ADGRL1: variants seen among roughly 807,000 people sequenced by gnomAD.
ADGRL1 encodes CIRL-1.
In ADGRL1, 31 loss-of-function variants were observed where a neutral mutation model predicts 148.9. The ratio of observed to expected loss-of-function variants is 0.21; its 90% CI spans 0.16 to 0.28. ADGRL1 has a LOEUF of 0.28. ADGRL1 is among the 10% of genes least tolerant of loss of function. The probability of loss-of-function intolerance (pLI) is 1.00; values close to 1 mark genes in which losing one functional copy is unlikely to be tolerated. For missense variants in ADGRL1, 1,521 were observed against 2,058.8 expected (o/e 0.74, Z 5.05); for synonymous variants, 937 against 900.3 (o/e 1.04, Z -0.73).
intron 4 of ADGRL1, chr19:14,170,200 A>G: frequency 6.4e-6 from 1 of 155,380 alleles, no homozygotes; most frequent in Admixed American, 6.4e-5. Flanking sequence ...AACGGTGTTG[A>G]GAGGGGCAGT....
rs750108946 is a variant in ADGRL1 at position 14,161,359 on chromosome 19, G to A, written c.1463C>T (p.Thr488Ile). The change falls in exon 6 of 23, where the codon ACC becomes ATC. Residue 488 changes from threonine (T) to isoleucine (I), a missense_variant. By Grantham distance (89) the Thr-to-Ile change is moderately conservative. Transcript: ENST00000361434. The surrounding 1 kb of genome is among the most constrained non-coding windows in gnomAD (Gnocchi z 4.4). ...REVRRVQWPA[T>I]QQGMLVERPC... is the part of the protein sequence containing the mutation. ...CCTCTCCACCAGCATGCCCTGCTGG[G>A]TGGCCGGCCACTGGACCCGCCGTAC... The A allele has an allele frequency of 5.0e-6, 8 of 1,587,038 alleles. No individual in the cohort carries two copies. Among genetic ancestry groups the A allele is most frequent in the African/African-American group, 1.4e-5 (1 of 74,042 alleles).
chr19:14,180,498 C>T (rs964420207), intron 2 of ADGRL1, among the ~76,000 whole-genome samples: 3 of 151,894 alleles, frequency 2.0e-5, no homozygotes, highest in African/African-American at 4.8e-5. Flanking sequence ...TCAGGTGATC[C>T]GCCCGCCTGA....
rs566920498 is a variant in ADGRL1 at position 14,199,241 on chromosome 19, G to A, written c.-96+6744C>T. Among the ~76,000 whole-genome samples, 7 of 152,324 alleles carry A rather than the reference G, an allele frequency of 4.6e-5. No individual in the cohort carries two copies. The East Asian group carries it at 9.6e-4, about 21-fold the overall frequency. Reference sequence around the variant, plus strand: ...GGAGCTGGGGAACGAGAGCCTCCCAGGGTGGCTGTGGGGGTTAGAAATAAT... The same window carrying A: ...GGAGCTGGGGAACGAGAGCCTCCCAAGGTGGCTGTGGGGGTTAGAAATAAT... On this transcript the variant is annotated intron_variant, in intron 1 of 22. Transcript: ENST00000361434.
intron 3 of ADGRL1, among the ~76,000 whole-genome samples, chr19:14,175,493 C>T (rs1016178826): frequency 1.3e-5 from 2 of 151,622 alleles, no homozygotes; most frequent in African/African-American, 2.4e-5. Context: ...CACCCGCTCA[C>T]GTACACTTAA....
In ADGRL1 at chr19:14,150,692, C is replaced by G; in HGVS notation, c.*181G>C. The G allele has an allele frequency of 3.0e-6, 2 of 668,230 alleles. No homozygotes were observed. The highest frequency in any genetic ancestry group is 4.9e-6 in the Non-Finnish European group (2 of 410,402). 41.4% of individuals were successfully genotyped at this position (668,230 alleles called of 1,614,324 possible). On this transcript the variant is annotated 3_prime_UTR_variant, in exon 23 of 23. Coordinates refer to ENST00000361434, the MANE Select transcript of ADGRL1 (RefSeq NM_014921.5). ...CTGGTGGGAAACCCTGTCTGTGAAC[C>G]CTGGCACCTCAGGCCCCCAGGTTAG...
chr19:14,202,577 C>T (rs1251429356), intron 1 of ADGRL1, among the ~76,000 whole-genome samples: 1 of 152,116 alleles, frequency 6.6e-6, no homozygotes, highest in Non-Finnish European at 1.5e-5. Context: ...GATGGAAACC[C>T]CATATGTGTT....
chr19:14,185,252 A>G (rs370171461), intron 1 of ADGRL1, among the ~76,000 whole-genome samples: 2 of 152,236 alleles, frequency 1.3e-5, no homozygotes, highest in South Asian at 2.1e-4. Flanking sequence ...GCACACTGGC[A>G]TCAGCCTTGC....
chr19:14,193,865 G>T (rs188713046), intron 1 of ADGRL1, among the ~76,000 whole-genome samples: 1 of 152,218 alleles, frequency 6.6e-6, no homozygotes, highest in Non-Finnish European at 1.5e-5. Context: ...GGCCTGCAAC[G>T]GATTCTGCCT....
intron 4 of ADGRL1, among the ~76,000 whole-genome samples, chr19:14,167,907 GC>G (rs1970133533): frequency 6.6e-6 from 1 of 151,900 alleles, no homozygotes; most frequent in African/African-American, 2.4e-5. Context: ...TGGGAGCTCC[GC>G]CCTGCCCGCT....
chr19:14,200,674 G>A lies in ADGRL1; in HGVS notation c.-96+5311C>T, dbSNP rs1808674. Among the ~76,000 whole-genome samples the A allele has an allele frequency of 4.0e-3, 605 of 152,198 alleles. 1 individual carries two copies. Among genetic ancestry groups the A allele is most frequent in the Non-Finnish European group, 6.9e-3 (469 of 68,000 alleles). ...GTTGCCCAGGCTGGAATGCAGTGGC[G>A]CGATCACAGCTCACTGCAGCCTTGA... is the stretch of plus-strand genomic sequence containing the variant. On this transcript the variant is annotated intron_variant, in intron 1 of 22. Coordinates refer to ENST00000361434, the MANE Select transcript of ADGRL1 (RefSeq NM_014921.5).
intron 2 of ADGRL1, among the ~76,000 whole-genome samples, chr19:14,178,700 A>T (rs1339313380): frequency 1.3e-5 from 2 of 152,086 alleles, no homozygotes; most frequent in Non-Finnish European, 2.9e-5. Flanking sequence ...ACATTGTTTC[A>T]TAGAAATGGG....
chr19:14,197,996 C>T (rs753771993), intron 1 of ADGRL1, among the ~76,000 whole-genome samples: 3 of 152,074 alleles, frequency 2.0e-5, no homozygotes, highest in Non-Finnish European at 4.4e-5. Context: ...AATGCCTCCC[C>T]TAAAAAGTGA....
At chr19:14,182,357 G>A (rs1279738206) in intron 2 of ADGRL1, among the ~76,000 whole-genome samples, 1 of 152,216 alleles carries the variant, frequency 6.6e-6, no homozygotes, top group Non-Finnish European at 1.5e-5. Context: ...AGGCCCTGCG[G>A]GGTGCTGGAG....
rs1424863312 is a variant in ADGRL1, at chr19:14,152,570, G to A, written c.3467C>T (p.Thr1156Met). 3 of 1,614,100 alleles carry A rather than the reference G, an allele frequency of 1.9e-6. No homozygotes were observed. The highest frequency in any genetic ancestry group is 1.7e-5 in the Admixed American group (1 of 60,014). Residue 1156 changes from threonine to methionine, a missense_variant, in exon 20 of 23, where the codon ACG (threonine) becomes ATG (methionine). Coordinates refer to ENST00000361434, the MANE Select transcript of ADGRL1 (RefSeq NM_014921.5). This position sits in a 1 kb window ranked among gnomAD's most constrained non-coding sequence, Gnocchi z 6.1. ...GTCACCCGCCATGAAGGAGGACTCC[G>A]TCTGTTTCCTCACAGTGTCATTCCA... ...RMWNDTVRKQ[T>M]ESSFMAGDIN...
At position 14,151,351 on chromosome 19, in the gene ADGRL1, C is replaced by T; in HGVS notation, c.3932G>A (p.Gly1311Asp). The T allele has an allele frequency of 2.5e-6, 4 of 1,599,526 alleles. No homozygotes were observed. The highest frequency in any genetic ancestry group is 1.7e-4 in the Middle Eastern group (1 of 5,996). Reference protein sequence around the residue: ...PEPPVPPVPGGGGEEEAGGPG... With the variant: ...PEPPVPPVPGDGGEEEAGGPG... ...CCCGCCCGCCTCTTCCTCGCCCCCG[C>T]CCCCTGGCACAGGTGGCACAGGGGG... The change falls in exon 23 of 23, where the codon GGC (glycine) becomes GAC (aspartate). Residue 1311 changes from glycine to aspartate, a missense_variant. By Grantham distance (94) the Gly-to-Asp change is moderately conservative. This residue lies in a region of ADGRL1 where 390 missense variants were observed against 375.0 expected (regional missense o/e 1.04). Coordinates refer to ENST00000361434, the MANE Select transcript of ADGRL1 (RefSeq NM_014921.5).
At chr19:14,181,749 A>T (rs1254446665) in intron 2 of ADGRL1, among the ~76,000 whole-genome samples, 1 of 152,168 alleles carries the variant, frequency 6.6e-6, no homozygotes, top group Admixed American at 6.5e-5. Context: ...AAGTTTGAAC[A>T]GCCACCGTTC....
chr19:14,200,265 GGA>G (rs1186275803), intron 1 of ADGRL1, among the ~76,000 whole-genome samples: 1 of 152,138 alleles, frequency 6.6e-6, no homozygotes, highest in Non-Finnish European at 1.5e-5. Flanking sequence ...GAGCTGGTGA[GGA>G]GAGTGGGAGG....
chr19:14,188,264 C>G (rs1424319171), intron 1 of ADGRL1, among the ~76,000 whole-genome samples: 1 of 152,088 alleles, frequency 6.6e-6, no homozygotes, highest in East Asian at 1.9e-4. Context: ...CGCTGCTATT[C>G]TGCAGGGTTC....
At chr19:14,165,889 C>G (rs1216770041) in intron 4 of ADGRL1, among the ~76,000 whole-genome samples, 1 of 152,082 alleles carries the variant, frequency 6.6e-6, no homozygotes, top group Non-Finnish European at 1.5e-5. Flanking sequence ...CCATGTCCTC[C>G]AGCCCTGCCT....
Sources: allele counts gnomAD v4.1 joint callset (sites outside exome capture counted in the v4.1 genomes callset), GRCh38; gene constraint gnomAD v4.1.1; regional missense constraint gnomAD v4.1.1; non-coding constraint Gnocchi (gnomAD v3.1); transcripts MANE v1.5; gene names NCBI Gene and HGNC (gene_info 2026-07-23, HGNC 2026-07-21).